The following HERC4 variants were observed in gnomAD, a reference collection of about 807,000 sequenced individuals.
The protein encoded by HERC4 is probable E3 ubiquitin-protein ligase HERC4.
Under a neutral mutation model 124.3 loss-of-function variants are expected in HERC4, and 28 were observed. The observed-to-expected ratio is 0.23, with a 90% CI of 0.17 to 0.31. The LOEUF (loss-of-function observed/expected upper bound fraction) is 0.31, where lower values mean the gene tolerates loss of function less well. HERC4 is among the 10% of genes least tolerant of loss of function. The pLI, the probability that HERC4 is intolerant of heterozygous loss-of-function variation, is 1.00. For synonymous variants in HERC4, 407 were observed against 421.5 expected, an observed-to-expected ratio of 0.97 and a Z score of 0.42; for missense variants, 713 against 1,229.3, an observed-to-expected ratio of 0.58 and a Z score of 6.28.
intron 7 of HERC4, among the ~76,000 whole-genome samples, chr10:68,030,843 C>T (rs902104846): frequency 6.6e-6 from 1 of 152,282 alleles, no homozygotes. Context: ...GAAGTATCCT[C>T]ATATCTATAA....
At chr10:68,030,234 G>C (rs2039130789) in intron 7 of HERC4, among the ~76,000 whole-genome samples, 1 of 151,698 alleles carries the variant, frequency 6.6e-6, no homozygotes, top group South Asian at 2.1e-4. Context: ...GAGGTCAGGA[G>C]TTCAAGACCA....
chr10:68,019,070 C>T lies in HERC4; in HGVS notation c.909-4884G>A, dbSNP rs186100464. ...GGAGTGCAATGGTGCGATCTCGGCT[C>T]ACTGCAACCTCCGCCTCCTGGGTTC... On this transcript the variant is annotated intron_variant, in intron 8 of 24. Coordinates refer to ENST00000373700, the MANE Select transcript of HERC4 (RefSeq NM_015601.4). Among the ~76,000 whole-genome samples the T allele has an allele frequency of 8.1e-3, 1,183 of 146,250 alleles. 11 individuals carry two copies. The highest frequency in any genetic ancestry group is 0.011 in the Non-Finnish European group (763 of 67,302).
At chr10:67,988,350 A>G (rs1023391180) in intron 15 of HERC4, among the ~76,000 whole-genome samples, 1 of 152,122 alleles carries the variant, frequency 6.6e-6, no homozygotes, top group Non-Finnish European at 1.5e-5. Context: ...AACAAAAACC[A>G]TATAATGCAA....
chr10:68,068,837 G>T, intron 3 of HERC4: 1 of 155,020 alleles, frequency 6.5e-6, no homozygotes, highest in Non-Finnish European at 1.4e-5. Context: ...CTAGCCAAGT[G>T]ACCCTATTAG....
intron 23 of HERC4, among the ~76,000 whole-genome samples, chr10:67,928,165 T>C (rs1466253673): frequency 2.0e-5 from 3 of 151,978 alleles, no homozygotes; most frequent in Non-Finnish European, 4.4e-5. Context: ...CAGAGGTTAA[T>C]AAGGCTGAGG....
intron 23 of HERC4, among the ~76,000 whole-genome samples, chr10:67,927,267 G>A (rs2031091708): frequency 6.6e-6 from 1 of 151,100 alleles, no homozygotes; most frequent in Non-Finnish European, 1.5e-5. Context: ...GTAGAAATGT[G>A]CACACATGTC....
At chr10:67,926,306 A>G (rs2030934721) in intron 23 of HERC4, among the ~76,000 whole-genome samples, 1 of 152,104 alleles carries the variant, frequency 6.6e-6, no homozygotes, top group Admixed American at 6.6e-5. Flanking sequence ...CTAAGGCAGG[A>G]GAATCGCTTG....
intron 3 of HERC4, among the ~76,000 whole-genome samples, chr10:68,060,547 T>C (rs1202851473): frequency 6.6e-6 from 1 of 152,180 alleles, no homozygotes. Flanking sequence ...CCATAAATAA[T>C]ACATTCTAAA....
intron 9 of HERC4, among the ~76,000 whole-genome samples, chr10:68,011,650 T>C (rs970891598): frequency 6.6e-6 from 1 of 152,202 alleles, no homozygotes; most frequent in Non-Finnish European, 1.5e-5. Context: ...CAGTACACCA[T>C]GCTGTAAACA....
At chr10:67,927,734 T>C (rs1056223401) in intron 23 of HERC4, among the ~76,000 whole-genome samples, 2 of 152,008 alleles carry the variant, frequency 1.3e-5, no homozygotes, top group South Asian at 2.1e-4. Context: ...CGCTACAATA[T>C]ACTTTTTAAG....
intron 4 of HERC4, 170 bp from the exon 5 acceptor site, chr10:68,038,339 CAAGAGCTA>C (rs2039584648): frequency 2.6e-6 from 1 of 390,736 alleles, no homozygotes. Flanking sequence ...AATCAGTAAA[CAAGAGCTA>C]GATACAAAAA....
chr10:68,071,944 AT>A (rs1283338992), intron 3 of HERC4, among the ~76,000 whole-genome samples: 2 of 152,216 alleles, frequency 1.3e-5, no homozygotes, highest in African/African-American at 4.8e-5. Context: ...TCGTGCCTTA[AT>A]TTAATGCCTG....
intron 19 of HERC4, 110 bp downstream of exon 19, chr10:67,954,485 T>C (rs2034010964): frequency 1.2e-6 from 1 of 819,346 alleles, no homozygotes. Context: ...GCAGATCTTA[T>C]ATGTTAGGGA....
intron 8 of HERC4, among the ~76,000 whole-genome samples, chr10:68,016,883 T>C (rs1369000029): frequency 1.3e-5 from 2 of 152,176 alleles, no homozygotes; most frequent in African/African-American, 4.8e-5. Flanking sequence ...TCAAATCATG[T>C]ACATTTTGGC....
At chr10:67,943,906 C>G (rs1381031058) in intron 19 of HERC4, among the ~76,000 whole-genome samples, 1 of 152,216 alleles carries the variant, frequency 6.6e-6, no homozygotes, top group Non-Finnish European at 1.5e-5. Flanking sequence ...TGCCTTGTGG[C>G]TTGGATGCCA....
intron 9 of HERC4, among the ~76,000 whole-genome samples, chr10:68,004,238 TCAACAGAGTTCAACAACTGAGTTGAAA>T: frequency 6.6e-6 from 1 of 152,356 alleles, no homozygotes; most frequent in South Asian, 2.1e-4. Context: ...GTTGTTGAGT[TCAACAGAGTTCAACAACTGAGTTGAAA>T]CAACAGAGTT....
intron 22 of HERC4, among the ~76,000 whole-genome samples, chr10:67,934,240 C>A (rs576937093): frequency 6.6e-6 from 1 of 152,176 alleles, no homozygotes; most frequent in East Asian, 1.9e-4. Flanking sequence ...GTTAACATTT[C>A]TATATTATTC....
chr10:68,052,340 G>T (rs2040356361), intron 3 of HERC4, among the ~76,000 whole-genome samples: 1 of 152,084 alleles, frequency 6.6e-6, no homozygotes, highest in African/African-American at 2.4e-5. Flanking sequence ...AGGAGAAAGA[G>T]GGCATCCTTC....
chr10:68,056,857 C>G (rs544713301), intron 3 of HERC4, among the ~76,000 whole-genome samples: 1 of 152,138 alleles, frequency 6.6e-6, no homozygotes, highest in Non-Finnish European at 1.5e-5. Flanking sequence ...AAAAACAAGA[C>G]AGTCACTGAG....
Sources: gnomAD v4.1 joint callset for allele counts (sites outside exome capture counted in the v4.1 genomes callset) on GRCh38, gnomAD v4.1.1 for gene constraint, MANE v1.5 for transcripts, NCBI Gene and HGNC (gene_info 2026-07-23, HGNC 2026-07-21) for gene names.